FRMD3: variants seen among roughly 807,000 people sequenced by gnomAD.
FRMD3 encodes FERM domain containing 3, also known as FERM domain-containing protein 3.
In FRMD3, 33 loss-of-function variants were observed where a neutral mutation model predicts 70.2. The observed-to-expected ratio is 0.47, with a 90% CI of 0.36 to 0.63. FRMD3 has a LOEUF of 0.63. Ranked by LOEUF, FRMD3 falls within the 20% of genes least tolerant of loss-of-function variation. FRMD3 has a pLI of 0.00. For missense variants in FRMD3, 632 were observed against 711.4 expected, an observed-to-expected ratio of 0.89 and a Z score of 1.27; for synonymous variants, 279 against 255.9, an observed-to-expected ratio of 1.09 and a Z score of -0.86.
At chr9:83,262,498 A>C (rs1544064) in intron 13 of FRMD3, among the ~76,000 whole-genome samples, 59,762 of 152,050 alleles carry the variant, frequency 0.39, 12,182 homozygotes, top group African/African-American at 0.5. Context: ...AGTCCAGCTT[A>C]TTGTAAGTTG....
chr9:83,500,134 G>C (rs191824995), intron 1 of FRMD3, among the ~76,000 whole-genome samples: 130 of 152,236 alleles, frequency 8.5e-4, no homozygotes, highest in African/African-American at 2.9e-3. Flanking sequence ...TTAGGGCAGA[G>C]AAACTATCCT....
chr9:83,349,789 A>G, intron 3 of FRMD3, 32 bp from the exon 4 acceptor site: 1 of 1,530,160 alleles, frequency 6.5e-7, no homozygotes. Context: ...GCATGAGAAA[A>G]GCAGCAAAAG....
At position 83,536,092 on chromosome 9, in the gene FRMD3, A is replaced by C. The variant is rs548449119; in HGVS notation, c.147+1993T>G. Among the ~76,000 whole-genome samples the C allele has an allele frequency of 3.3e-5, 5 of 152,356 alleles. No homozygotes were observed. The South Asian group carries it at 1.0e-3, about 32-fold the overall frequency. On this transcript the variant is annotated intron_variant, in intron 1 of 13. Transcript: ENST00000304195. Reference sequence around the variant, plus strand: ...AATTTATTTTAATTGGTTAAATAATAATTGTAATTTGGGGGCAGAAAGGGC... The same window carrying C: ...AATTTATTTTAATTGGTTAAATAATCATTGTAATTTGGGGGCAGAAAGGGC...
chr9:83,284,839 G>A (rs919806931), intron 13 of FRMD3, among the ~76,000 whole-genome samples: 1 of 152,156 alleles, frequency 6.6e-6, no homozygotes, highest in African/African-American at 2.4e-5. Context: ...GACCAAACCT[G>A]GTAGAGGGTA....
chr9:83,458,066 G>A (rs1010356046), intron 1 of FRMD3, among the ~76,000 whole-genome samples: 1 of 147,860 alleles, frequency 6.8e-6, no homozygotes, highest in African/African-American at 2.5e-5. Flanking sequence ...CTTGGCTCAA[G>A]TGAATCCTGT....
the FRMD3 span, among the ~76,000 whole-genome samples, chr9:83,555,917 G>T: frequency 6.6e-6 from 1 of 152,192 alleles, no homozygotes; most frequent in Non-Finnish European, 1.5e-5. Flanking sequence ...CCCGGGATCG[G>T]TCATTCACTT....
chr9:83,263,279 A>G (rs1045179858), intron 13 of FRMD3, among the ~76,000 whole-genome samples: 1 of 152,216 alleles, frequency 6.6e-6, no homozygotes, highest in Non-Finnish European at 1.5e-5. Context: ...ACCAGTGCTA[A>G]TTAGAATTCC....
At chr9:83,527,774 A>G (rs184317936) in intron 1 of FRMD3, among the ~76,000 whole-genome samples, 118 of 152,208 alleles carry the variant, frequency 7.8e-4, no homozygotes, top group Non-Finnish European at 1.4e-3. Context: ...GCCTGAGTCA[A>G]GTTCAAACCT....
At chr9:83,274,726 C>A (rs1479814529) in intron 13 of FRMD3, among the ~76,000 whole-genome samples, 1 of 152,150 alleles carries the variant, frequency 6.6e-6, no homozygotes, top group Non-Finnish European at 1.5e-5. Context: ...CTGTATGGGA[C>A]TGGACTCTCC....
intron 13 of FRMD3, among the ~76,000 whole-genome samples, chr9:83,250,715 A>G (rs1832367310): frequency 1.3e-5 from 2 of 152,198 alleles, no homozygotes; most frequent in South Asian, 4.1e-4. Flanking sequence ...AGGGTACCCC[A>G]CAATGTAGCA....
rs58346983 is a variant in FRMD3, at chr9:83,416,788, A to ACTCT, written c.148-27084_148-27081dup. ...CTCTCTCTCTCTCTCTCTCTCTCTC[A>ACTCT]CTCTCTCTCTCTCTTACTCTTTCAC... is the stretch of plus-strand genomic sequence containing the variant. On this transcript the variant is annotated intron_variant, in intron 1 of 13. Transcript: ENST00000304195. Among the ~76,000 whole-genome samples, 15 of 80,126 alleles carry ACTCT rather than the reference A, an allele frequency of 1.9e-4. No homozygotes were observed. The East Asian group carries it at 4.2e-3, about 22-fold the overall frequency. The allele number at this position is 80,126 out of a possible 152,430, so 52.6% of individuals were successfully genotyped here.
At chr9:83,285,639 A>C (rs1208089649) in intron 13 of FRMD3, among the ~76,000 whole-genome samples, 1 of 151,784 alleles carries the variant, frequency 6.6e-6, no homozygotes, top group Non-Finnish European at 1.5e-5. Flanking sequence ...GATTAATTTC[A>C]CTCCCCTTCT....
intron 13 of FRMD3, among the ~76,000 whole-genome samples, chr9:83,281,885 T>C (rs1462224163): frequency 6.6e-6 from 1 of 152,170 alleles, no homozygotes; most frequent in African/African-American, 2.4e-5. Flanking sequence ...ACCAAAGCCT[T>C]GCACCCTGTC....
rs1452621742 is a variant in FRMD3, at chr9:83,357,260, T to TAAC, written c.296-7504_296-7503insGTT. On this transcript the variant is annotated intron_variant, in intron 3 of 13. Transcript: ENST00000304195. ...TATAATACATACATATATATATATATATATATATATATATATATATATATA... is the reference window on the plus strand; with the variant it reads ...TATAATACATACATATATATATATATAACATATATATATATATATATATATATA... Among the ~76,000 whole-genome samples the TAAC allele has an allele frequency of 2.0e-4, 11 of 55,280 alleles. 1 individual carries two copies. Among genetic ancestry groups the TAAC allele is most frequent in the African/African-American group, 1.3e-3 (11 of 8,558 alleles). 36.3% of individuals were successfully genotyped at this position (55,280 alleles called of 152,430 possible).
At chr9:83,539,608 C>T (rs1414809585), upstream of FRMD3, among the ~76,000 whole-genome samples, 1 of 152,156 alleles carries the variant, frequency 6.6e-6, no homozygotes, top group East Asian at 1.9e-4. Context: ...ACAAATTTTA[C>T]CTGCCCTGGA....
chr9:83,583,240 A>C, the FRMD3 span, among the ~76,000 whole-genome samples: 1 of 152,214 alleles, frequency 6.6e-6, no homozygotes, highest in Non-Finnish European at 1.5e-5. Context: ...AAAAAATAAC[A>C]TGCTGACTAC....
At chr9:83,438,524 C>G (rs536362196) in intron 1 of FRMD3, among the ~76,000 whole-genome samples, 1 of 152,082 alleles carries the variant, frequency 6.6e-6, no homozygotes, top group Non-Finnish European at 1.5e-5. Context: ...CTCAGCCTCC[C>G]GAGTAGCTGG....
intron 1 of FRMD3, among the ~76,000 whole-genome samples, chr9:83,493,435 A>T: frequency 6.6e-6 from 1 of 152,214 alleles, no homozygotes; most frequent in African/African-American, 2.4e-5. Flanking sequence ...AGTCCCTGCC[A>T]TCCTTTACTC....
the FRMD3 span, among the ~76,000 whole-genome samples, chr9:83,580,634 G>C: frequency 2.0e-5 from 3 of 152,010 alleles, no homozygotes; most frequent in Non-Finnish European, 4.4e-5. Context: ...GAGAATGAAC[G>C]GGGAATTATT....
Sources: allele counts gnomAD v4.1 joint callset (sites outside exome capture counted in the v4.1 genomes callset), GRCh38; gene constraint gnomAD v4.1.1; transcripts MANE v1.5; gene names NCBI Gene and HGNC (gene_info 2026-07-23, HGNC 2026-07-21).